The following UBE2R2 variants were observed in gnomAD, a reference collection of about 807,000 sequenced individuals.
UBE2R2 encodes the protein ubiquitin conjugating enzyme E2 R2.
Under a neutral mutation model 27.8 loss-of-function variants are expected in UBE2R2, and 1 was observed. The observed-to-expected ratio is 0.04, with a 90% CI of 0.01 to 0.17. The LOEUF (loss-of-function observed/expected upper bound fraction) is 0.17, where lower values mean the gene tolerates loss of function less well. Ranked by LOEUF, UBE2R2 falls within the 10% of genes least tolerant of loss-of-function variation. UBE2R2 has a pLI of 1.00. For missense variants in UBE2R2, 100 were observed against 291.0 expected (o/e 0.34, Z 4.78); for synonymous variants, 106 against 113.3 (o/e 0.94, Z 0.41).
intron 1 of UBE2R2, among the ~76,000 whole-genome samples, chr9:33,851,291 A>G (rs1350474337): frequency 1.3e-5 from 2 of 152,222 alleles, no homozygotes; most frequent in East Asian, 3.8e-4. Flanking sequence ...TTTAAAGTGT[A>G]TTTCCTACAG....
rs375057192 is a variant in UBE2R2 at position 33,856,708 on chromosome 9, C to CT, written c.178-30162dup. Among the ~76,000 whole-genome samples, 130 of 144,512 alleles carry CT rather than the reference C, an allele frequency of 9.0e-4. 1 individual carries two copies. Among genetic ancestry groups the CT allele is most frequent in the Admixed American group, 2.2e-3 (31 of 14,336 alleles). The allele number at this position is 144,512 out of a possible 152,430, so 94.8% of individuals were successfully genotyped here. A position where few individuals can be genotyped will look rare whatever the true frequency, so the allele number is the denominator to read the frequency against. On this transcript the variant is annotated intron_variant, in intron 1 of 4. Coordinates refer to ENST00000263228, the MANE Select transcript of UBE2R2 (RefSeq NM_017811.4). Reference sequence around the variant, plus strand: ...AATCTTTTGTTTTTCCTGAAGTTTTCTTTTTTTTTTTCTTTCCATTTTATG... The same window carrying CT: ...AATCTTTTGTTTTTCCTGAAGTTTTCTTTTTTTTTTTTCTTTCCATTTTATG...
chr9:33,861,666 A>G (rs1821239152), intron 1 of UBE2R2, among the ~76,000 whole-genome samples: 1 of 151,842 alleles, frequency 6.6e-6, no homozygotes, highest in East Asian at 1.9e-4. Context: ...AGTCTTCTGC[A>G]ATTTTAATTT....
chr9:33,855,553 G>C (rs1480443342), intron 1 of UBE2R2, among the ~76,000 whole-genome samples: 4 of 152,166 alleles, frequency 2.6e-5, no homozygotes, highest in African/African-American at 4.8e-5. Context: ...GTTCTTGTCT[G>C]CTTCTGAGAG....
chr9:33,913,611 ATACAGT>A (rs1220171914), intron 4 of UBE2R2, among the ~76,000 whole-genome samples: 1 of 152,180 alleles, frequency 6.6e-6, no homozygotes, highest in Non-Finnish European at 1.5e-5. Context: ...GAGACCCCAA[ATACAGT>A]TACAGCTTCC....
At chr9:33,823,378 A>C (rs1820203300) in intron 1 of UBE2R2, among the ~76,000 whole-genome samples, 2 of 150,146 alleles carry the variant, frequency 1.3e-5, no homozygotes, top group South Asian at 4.2e-4. Context: ...AGTTGAAAAA[A>C]AATTTTTTTT....
intron 1 of UBE2R2, among the ~76,000 whole-genome samples, chr9:33,836,711 C>A (rs1362969357): frequency 6.6e-6 from 1 of 151,660 alleles, no homozygotes; most frequent in Non-Finnish European, 1.5e-5. Flanking sequence ...GAGCCAAGAT[C>A]ATGCCACTGT....
chr9:33,917,255 C>G lies in UBE2R2; in HGVS notation c.*18C>G, dbSNP rs1232168201. 2 of 1,612,562 alleles carry G rather than the reference C, an allele frequency of 1.2e-6. No individual in the cohort carries two copies. Among genetic ancestry groups the G allele is most frequent in the Admixed American group, 1.7e-5 (1 of 60,002 alleles). On this transcript the variant is annotated 3_prime_UTR_variant, in exon 5 of 5. Transcript: ENST00000263228. The stretch of plus-strand genomic sequence containing the variant: ...AGTCGTGACGTGCTCCTTCAGTGCC[C>G]CTGTACTGCCCTGCCATCTCAGGCC...
chr9:33,822,118 T>G (rs1220756670), intron 1 of UBE2R2, among the ~76,000 whole-genome samples: 1 of 147,420 alleles, frequency 6.8e-6, no homozygotes, highest in Non-Finnish European at 1.5e-5. Context: ...TGAGACTGAG[T>G]TTTGCTCTTA....
chr9:33,883,444 G>A (rs1007266039), intron 1 of UBE2R2, among the ~76,000 whole-genome samples: 3 of 152,086 alleles, frequency 2.0e-5, no homozygotes, highest in South Asian at 2.1e-4. Context: ...GGCCGAGTGC[G>A]GTGGCTCATG....
At chr9:33,912,225 TGG>T in intron 4 of UBE2R2, 127 bp downstream of exon 4, 1 of 865,204 alleles carries the variant, frequency 1.2e-6, no homozygotes, top group Non-Finnish European at 1.7e-6. Context: ...ATTTATAGTG[TGG>T]GAAGAGAAGA....
rs900835892 is a variant in UBE2R2 at position 33,885,164 on chromosome 9, C to G, written c.178-1717C>G. ...TTTACTTTCTTGTTGTATACATTCT[C>G]AAGTTAAGCCAGAGGTATAAAGTTA... On this transcript the variant is annotated intron_variant, in intron 1 of 4. Transcript: ENST00000263228. Among the ~76,000 whole-genome samples, 43 of 152,222 alleles carry G rather than the reference C, an allele frequency of 2.8e-4. 1 individual carries two copies. Among genetic ancestry groups the G allele is most frequent in the Admixed American group, 2.7e-3 (41 of 15,280 alleles).
intron 1 of UBE2R2, among the ~76,000 whole-genome samples, chr9:33,870,045 C>T (rs187661761): frequency 6.6e-6 from 1 of 151,954 alleles, no homozygotes; most frequent in Non-Finnish European, 1.5e-5. Flanking sequence ...CTAGGTTTCA[C>T]TATATTGGTC....
chr9:33,826,219 T>C lies in UBE2R2; in HGVS notation c.177+8285T>C, dbSNP rs73487033. On this transcript the variant is annotated intron_variant, in intron 1 of 4. Transcript: ENST00000263228. The stretch of plus-strand genomic sequence containing the variant: ...TCTTTGATTGTGTTAATATCAACTT[T>C]ATTCAGCAAGAAATTGTTATTCAGA... 4.8e-3 allele frequency among the ~76,000 whole-genome samples: 738 copies of C among 152,252 alleles called. 9 individuals are homozygous for C. Among genetic ancestry groups the C allele is most frequent in the African/African-American group, 0.017 (698 of 41,542 alleles).
chr9:33,895,240 A>C (rs1287761008), intron 2 of UBE2R2, among the ~76,000 whole-genome samples: 1 of 152,206 alleles, frequency 6.6e-6, no homozygotes, highest in Non-Finnish European at 1.5e-5. Flanking sequence ...GACATGAGGT[A>C]GGAGTTCAGT....
At chr9:33,834,576 C>T (rs1820571198) in intron 1 of UBE2R2, among the ~76,000 whole-genome samples, 1 of 151,538 alleles carries the variant, frequency 6.6e-6, no homozygotes, top group African/African-American at 2.4e-5. Context: ...TAAATAGCTA[C>T]TATTTAATTA....
chr9:33,900,767 C>A (rs1269844191), intron 3 of UBE2R2, among the ~76,000 whole-genome samples: 2 of 152,132 alleles, frequency 1.3e-5, no homozygotes, highest in Non-Finnish European at 2.9e-5. Flanking sequence ...TGGGGTCTCA[C>A]TAAGTTGCCC....
At chr9:33,887,498 A>G (rs1190450333) in intron 2 of UBE2R2, among the ~76,000 whole-genome samples, 1 of 152,164 alleles carries the variant, frequency 6.6e-6, no homozygotes, top group Non-Finnish European at 1.5e-5. Context: ...TGGGGGAAGC[A>G]TTTCTAGCTT....
chr9:33,888,342 A>G (rs1821908996), intron 2 of UBE2R2, among the ~76,000 whole-genome samples: 1 of 152,128 alleles, frequency 6.6e-6, no homozygotes, highest in Non-Finnish European at 1.5e-5. Context: ...GTAATCTTTT[A>G]TTTGCAATAT....
At chr9:33,820,024 G>A (rs1825947557) in intron 1 of UBE2R2, among the ~76,000 whole-genome samples, 1 of 152,186 alleles carries the variant, frequency 6.6e-6, no homozygotes, top group Admixed American at 6.5e-5. Context: ...AAGTGTCATT[G>A]TTTGGTACAA....
Sources: gnomAD v4.1 joint callset for allele counts (sites outside exome capture counted in the v4.1 genomes callset) on GRCh38, gnomAD v4.1.1 for gene constraint, MANE v1.5 for transcripts, NCBI Gene and HGNC (gene_info 2026-07-23, HGNC 2026-07-21) for gene names.